RAP1GDS1: variants seen among roughly 807,000 people sequenced by gnomAD.
RAP1GDS1 encodes the protein Rap1 GTPase-GDP dissociation stimulator 1, also known as RAP1, GTP-GDP dissociation stimulator 1.
Under a neutral mutation model 71.1 loss-of-function variants are expected in RAP1GDS1, and 35 were observed. The ratio of observed to expected loss-of-function variants is 0.49; its 90% CI spans 0.38 to 0.65. The LOEUF is 0.65. Among genes scored for constraint, RAP1GDS1 ranks in the 30% least tolerant of loss-of-function variants. The pLI is 0.00. For synonymous variants in RAP1GDS1, 229 were observed against 243.1 expected (o/e 0.94, Z 0.54); for missense variants, 663 against 706.1 (o/e 0.94, Z 0.69).
chr4:98,269,661 T>A, intron 1 of RAP1GDS1, among the ~76,000 whole-genome samples: 1 of 152,244 alleles, frequency 6.6e-6, no homozygotes, highest in Middle Eastern at 3.4e-3. Context: ...GATCCCTAAT[T>A]CAAAATCTGA....
intron 1 of RAP1GDS1, among the ~76,000 whole-genome samples, chr4:98,278,508 C>T (rs1249740178): frequency 6.6e-6 from 1 of 152,134 alleles, no homozygotes; most frequent in Non-Finnish European, 1.5e-5. Context: ...CAGTTAACTA[C>T]TTATGATCTA....
At chr4:98,357,266 A>G (rs1172555514) in intron 4 of RAP1GDS1, among the ~76,000 whole-genome samples, 2 of 151,910 alleles carry the variant, frequency 1.3e-5, no homozygotes, top group Non-Finnish European at 2.9e-5. Context: ...CTTTGTATTT[A>G]CCCTATTTTC....
At chr4:98,376,878 CTG>C in intron 4 of RAP1GDS1, among the ~76,000 whole-genome samples, 1 of 151,990 alleles carries the variant, frequency 6.6e-6, no homozygotes, top group East Asian at 1.9e-4. Context: ...AAGAAAAGCA[CTG>C]TGGCTCTGAA....
At chr4:98,343,591 AT>A in intron 3 of RAP1GDS1, among the ~76,000 whole-genome samples, 1 of 152,274 alleles carries the variant, frequency 6.6e-6, no homozygotes, top group Non-Finnish European at 1.5e-5. Flanking sequence ...GAGATAATAT[AT>A]TTTTAAATAT....
chr4:98,422,439 A>G (rs773803738), intron 12 of RAP1GDS1, among the ~76,000 whole-genome samples: 3 of 151,904 alleles, frequency 2.0e-5, no homozygotes, highest in Admixed American at 1.3e-4. Flanking sequence ...GCTGGCCTCA[A>G]ACTCCTGACC....
chr4:98,321,361 A>G (rs1731856963), intron 2 of RAP1GDS1, among the ~76,000 whole-genome samples: 1 of 146,096 alleles, frequency 6.8e-6, no homozygotes, highest in South Asian at 2.3e-4. Context: ...GATATTATCC[A>G]GGAGAACTTC....
chr4:98,324,014 C>G (rs1578439338), intron 2 of RAP1GDS1, among the ~76,000 whole-genome samples: 1 of 150,354 alleles, frequency 6.7e-6, no homozygotes, highest in South Asian at 2.2e-4. Context: ...GATTGTTTAT[C>G]TAGAAAACCC....
chr4:98,318,992 G>A (rs530819960), intron 2 of RAP1GDS1, among the ~76,000 whole-genome samples: 2 of 152,132 alleles, frequency 1.3e-5, no homozygotes, highest in African/African-American at 4.8e-5. Flanking sequence ...TCTCTGGGGG[G>A]GGAAATGAGG....
rs35095617 is a variant in RAP1GDS1 at position 98,413,221 on chromosome 4, A to ATT, written c.764-3514_764-3513dup. Among the ~76,000 whole-genome samples, 432 of 148,314 alleles carry ATT rather than the reference A, an allele frequency of 2.9e-3. 6 individuals are homozygous for ATT. Among genetic ancestry groups the ATT allele is most frequent in the Non-Finnish European group, 3.1e-3 (207 of 66,822 alleles). Reference sequence around the variant, plus strand: ...GCAATTCCTTCCCCAGGGTATTACTATTTTTTTTTTTATTATACTTTAAGT... The same window carrying ATT: ...GCAATTCCTTCCCCAGGGTATTACTATTTTTTTTTTTTTATTATACTTTAAGT... On this transcript the variant is annotated intron_variant, in intron 7 of 14. Coordinates refer to ENST00000408927, the MANE Select transcript of RAP1GDS1 (RefSeq NM_001100427.2).
chr4:98,430,176 G>T (rs1405295027), intron 12 of RAP1GDS1, among the ~76,000 whole-genome samples: 1 of 152,084 alleles, frequency 6.6e-6, no homozygotes, highest in East Asian at 1.9e-4. Context: ...CTGTGGCATG[G>T]TACCCTTTTA....
intron 1 of RAP1GDS1, among the ~76,000 whole-genome samples, chr4:98,287,491 G>A (rs764879981): frequency 3.5e-4 from 54 of 152,218 alleles, no homozygotes; most frequent in Non-Finnish European, 6.3e-4. Context: ...TGTGTAAGTG[G>A]TGAATAGGCA....
intron 10 of RAP1GDS1, among the ~76,000 whole-genome samples, chr4:98,419,229 T>G (rs956832281): frequency 6.6e-6 from 1 of 152,056 alleles, no homozygotes; most frequent in African/African-American, 2.4e-5. Context: ...CTGATTTTTT[T>G]TTTTTGTAGA....
chr4:98,294,947 C>G (rs1398953723), intron 2 of RAP1GDS1, among the ~76,000 whole-genome samples: 1 of 151,938 alleles, frequency 6.6e-6, no homozygotes, highest in Admixed American at 6.6e-5. Context: ...TTCAGCAACA[C>G]TTTTTTTCTC....
Position 98,261,583 on chromosome 4 carries a change from C to A in RAP1GDS1, c.4+14C>A, listed in dbSNP as rs768129771. On this transcript the variant is annotated intron_variant, in intron 1 of 14. Transcript: ENST00000408927. ...GGAGCAACATGGGTAAGTCATCCTT[C>A]CTCCGCCGTCATCGCCTGACATTTT... 6 of 1,599,546 alleles carry A rather than the reference C, an allele frequency of 3.8e-6. No individual in the cohort carries two copies. The highest frequency in any genetic ancestry group is 4.3e-6 in the Non-Finnish European group (5 of 1,171,356).
At chr4:98,343,877 A>T (rs187663968) in intron 3 of RAP1GDS1, among the ~76,000 whole-genome samples, 24 of 152,328 alleles carry the variant, frequency 1.6e-4, no homozygotes, top group African/African-American at 5.3e-4. Flanking sequence ...TCCGTTTGAG[A>T]AAAACACTGA....
chr4:98,374,264 T>G (rs1246478139), intron 4 of RAP1GDS1, among the ~76,000 whole-genome samples: 1 of 152,196 alleles, frequency 6.6e-6, no homozygotes, highest in Non-Finnish European at 1.5e-5. Flanking sequence ...GTTCGCTGAG[T>G]CTTTTCTTGG....
chr4:98,403,912 G>A (rs1240755690), intron 6 of RAP1GDS1, among the ~76,000 whole-genome samples: 2 of 152,174 alleles, frequency 1.3e-5, no homozygotes, highest in African/African-American at 4.8e-5. Context: ...GAGCTTGAAT[G>A]GTAGTTGATA....
At chr4:98,289,264 G>A (rs1268480017) in intron 1 of RAP1GDS1, among the ~76,000 whole-genome samples, 1 of 152,074 alleles carries the variant, frequency 6.6e-6, no homozygotes, top group African/African-American at 2.4e-5. Context: ...AAATGTGGGA[G>A]CCTAGAAAAG....
At chr4:98,383,871 A>G (rs979011171) in intron 5 of RAP1GDS1, among the ~76,000 whole-genome samples, 3 of 151,550 alleles carry the variant, frequency 2.0e-5, no homozygotes, top group Non-Finnish European at 3.0e-5. Context: ...ATACTTTATT[A>G]CGGGTGAAAA....
Sources: gnomAD v4.1 joint callset for allele counts (sites outside exome capture counted in the v4.1 genomes callset) on GRCh38, gnomAD v4.1.1 for gene constraint, MANE v1.5 for transcripts, NCBI Gene and HGNC (gene_info 2026-07-23, HGNC 2026-07-21) for gene names.